ATP8A2: variants seen among roughly 807,000 people sequenced by gnomAD.
ATP8A2 encodes phospholipid-transporting ATPase IB.
ATP8A2 carries 100 observed loss-of-function variants against 165.6 expected under a neutral mutation model. The observed-to-expected ratio is 0.60, with a 90% CI of 0.51 to 0.71. ATP8A2 has a LOEUF of 0.71. Among genes scored for constraint, ATP8A2 ranks in the 30% least tolerant of loss-of-function variants. The pLI is 0.00. For missense variants in ATP8A2, 1,227 were observed against 1,479.5 expected (o/e 0.83, Z 2.80); for synonymous variants, 543 against 548.8 (o/e 0.99, Z 0.15).
At chr13:25,491,093 A>G (rs1257711992) in intron 2 of ATP8A2, among the ~76,000 whole-genome samples, 2 of 152,180 alleles carry the variant, frequency 1.3e-5, no homozygotes, top group Non-Finnish European at 2.9e-5. Context: ...TATATAAAAT[A>G]TACACACATA....
chr13:25,873,494 A>G (rs1200254287), intron 33 of ATP8A2, among the ~76,000 whole-genome samples: 1 of 152,186 alleles, frequency 6.6e-6, no homozygotes, highest in East Asian at 1.9e-4. Context: ...TTCCTTTATT[A>G]TGTAAGTGAC....
intron 25 of ATP8A2, among the ~76,000 whole-genome samples, chr13:25,718,740 GTAAATTGTTTTACATTGATTTTAC>G: frequency 6.6e-6 from 1 of 152,294 alleles, no homozygotes; most frequent in East Asian, 1.9e-4. Context: ...TAAAACACCA[GTAAATTGTTTTACATTGATTTTAC>G]TAAGGTTAGT....
At chr13:25,421,723 T>A (rs1220185755) in intron 1 of ATP8A2, among the ~76,000 whole-genome samples, 1 of 152,220 alleles carries the variant, frequency 6.6e-6, no homozygotes, top group Non-Finnish European at 1.5e-5. Flanking sequence ...GGACTGGAAG[T>A]AGACACTAGA....
In ATP8A2 at chr13:26,019,748, A is replaced by C. The variant is rs914031027; in HGVS notation, c.3470-140A>C. 4.9e-6 allele frequency: 3 copies of C among 609,930 alleles called. No homozygotes were observed. In the African/African-American group the frequency reaches 5.6e-5, roughly 11 times the overall value. The allele number at this position is 609,930 out of a possible 1,614,324, so 37.8% of individuals were successfully genotyped here. Reference sequence around the variant, plus strand: ...CTATGGCCACAGGTTTCTTCATCTCAAGCCTCCACCTATCCAAGGCTAAGG... The same window carrying C: ...CTATGGCCACAGGTTTCTTCATCTCCAGCCTCCACCTATCCAAGGCTAAGG... On this transcript the variant is annotated intron_variant, in intron 36 of 36. Coordinates refer to ENST00000381655, the MANE Select transcript of ATP8A2 (RefSeq NM_016529.6).
At chr13:25,740,701 A>T (rs1035759614) in intron 25 of ATP8A2, among the ~76,000 whole-genome samples, 60 of 152,334 alleles carry the variant, frequency 3.9e-4, no homozygotes, top group African/African-American at 1.4e-3. Context: ...CATGAAAGAT[A>T]ATGAATTCCA....
intron 30 of ATP8A2, 69 bp downstream of exon 30, chr13:25,839,693 A>ATT: frequency 7.5e-7 from 1 of 1,339,324 alleles, no homozygotes; most frequent in Non-Finnish European, 1.1e-6. Flanking sequence ...TGTGTTCACA[A>ATT]TTTTTTTTTC....
At chr13:25,610,410 GGATCA>G (rs2040652679) in intron 24 of ATP8A2, among the ~76,000 whole-genome samples, 1 of 151,892 alleles carries the variant, frequency 6.6e-6, no homozygotes, top group Non-Finnish European at 1.5e-5. Context: ...GCTTTGTCGA[GGATCA>G]GTTGGCTGTA....
chr13:25,504,772 A>T (rs35193287), intron 2 of ATP8A2, among the ~76,000 whole-genome samples: 1 of 142,960 alleles, frequency 7.0e-6, no homozygotes, highest in African/African-American at 2.6e-5. Flanking sequence ...AAAAAAGTAT[A>T]CAGTGCTCAG....
Position 25,919,752 on chromosome 13 carries a change from C to T in ATP8A2, c.3184-41823C>T, listed in dbSNP as rs558379148. On this transcript the variant is annotated intron_variant, in intron 33 of 36. Transcript: ENST00000381655. ...TTCTGTATCTTTCTTATAGACCTCT[C>T]TGTACTTTTGTCAGTTTTGGGAGAT... 4.6e-5 allele frequency among the ~76,000 whole-genome samples: 7 copies of T among 152,304 alleles called. No homozygotes were observed. In the South Asian group the frequency reaches 1.5e-3, roughly 32 times the overall value.
In ATP8A2 at chr13:25,554,982, C is replaced by G; in HGVS notation, c.1186-9C>G. On this transcript the variant is annotated splice_polypyrimidine_tract_variant and intron_variant, in intron 12 of 36. Transcript: ENST00000381655. ...TCTGAAATCCTGTCTCTTGTTCTCTCTCTCTCAGGACACAGATATGTATTA... is the reference window on the plus strand; with the variant it reads ...TCTGAAATCCTGTCTCTTGTTCTCTGTCTCTCAGGACACAGATATGTATTA... 2 of 1,563,930 alleles carry G rather than the reference C, an allele frequency of 1.3e-6. No homozygotes were observed. Among genetic ancestry groups the G allele is most frequent in the Non-Finnish European group, 1.8e-6 (2 of 1,138,244 alleles).
At chr13:25,427,532 CA>C (rs1850954592) in intron 1 of ATP8A2, among the ~76,000 whole-genome samples, 2 of 151,874 alleles carry the variant, frequency 1.3e-5, no homozygotes, top group African/African-American at 4.8e-5. Flanking sequence ...TCCCTGGTGC[CA>C]AAAAGGTTGG....
intron 33 of ATP8A2, among the ~76,000 whole-genome samples, chr13:25,900,271 A>T (rs567549449): frequency 6.6e-6 from 1 of 152,304 alleles, no homozygotes; most frequent in South Asian, 2.1e-4. Flanking sequence ...ATGCCTCTTC[A>T]TGGATTACAT....
chr13:25,503,924 T>C (rs1054001403), intron 2 of ATP8A2, among the ~76,000 whole-genome samples: 1 of 152,174 alleles, frequency 6.6e-6, no homozygotes, highest in Non-Finnish European at 1.5e-5. Flanking sequence ...TAAAAAAAAC[T>C]TCTCCAGTAG....
At chr13:25,399,725 T>TTCCTCTTCCTCCTTC (rs796816522) in intron 1 of ATP8A2, among the ~76,000 whole-genome samples, 2 of 148,422 alleles carry the variant, frequency 1.3e-5, no homozygotes, top group South Asian at 2.1e-4. Flanking sequence ...TTTCTTCTCC[T>TTCCTCTTCCTCCTTC]TCCTCTTCCT....
chr13:25,709,584 A>G (rs1338604784), intron 25 of ATP8A2, among the ~76,000 whole-genome samples: 2 of 152,240 alleles, frequency 1.3e-5, no homozygotes, highest in African/African-American at 4.8e-5. Flanking sequence ...ATACATGAAC[A>G]CATGACTATA....
chr13:26,001,243 C>T (rs967963132), intron 35 of ATP8A2, among the ~76,000 whole-genome samples: 1 of 152,156 alleles, frequency 6.6e-6, no homozygotes, highest in Non-Finnish European at 1.5e-5. Context: ...GAATAATTCT[C>T]CATTGTATGC....
intron 26 of ATP8A2, among the ~76,000 whole-genome samples, chr13:25,769,662 C>A (rs2044576141): frequency 1.4e-5 from 2 of 147,068 alleles, no homozygotes; most frequent in Admixed American, 1.4e-4. Flanking sequence ...GGGACACCCC[C>A]TGGCTAGGTG....
intron 2 of ATP8A2, among the ~76,000 whole-genome samples, chr13:25,486,896 G>A (rs941221378): frequency 6.6e-6 from 1 of 152,200 alleles, no homozygotes; most frequent in Non-Finnish European, 1.5e-5. Flanking sequence ...AGCCTGGGGG[G>A]TGGAGGTTAA....
chr13:25,769,010 C>G (rs766026868), intron 25 of ATP8A2, 36 bp from the exon 26 acceptor site: 1 of 1,589,688 alleles, frequency 6.3e-7, no homozygotes, highest in South Asian at 1.1e-5. Flanking sequence ...TCTGGAAAGA[C>G]ATGCATAGCT....
Sources: gnomAD v4.1 joint callset for allele counts (sites outside exome capture counted in the v4.1 genomes callset) on GRCh38, gnomAD v4.1.1 for gene constraint, MANE v1.5 for transcripts, NCBI Gene and HGNC (gene_info 2026-07-23, HGNC 2026-07-21) for gene names.